NCBP2L: variants seen among roughly 807,000 people sequenced by gnomAD.
NCBP2L encodes the protein nuclear cap binding protein subunit 2 like, also known as nuclear cap-binding protein subunit 2-like.
For missense variants in NCBP2L, 95 were observed against 53.1 expected (o/e 1.79, Z -2.45); for synonymous variants, 39 against 19.2 (o/e 2.04, Z -2.70).
chrX:107,781,847 T>TATATAGATATCTAG (rs1930296267), intron 1 of NCBP2L, among the ~76,000 whole-genome samples: 6 of 97,992 alleles, frequency 6.1e-5, no homozygotes, highest in South Asian at 4.4e-4. Context: ...TATATATTTA[T>TATATAGATATCTAG]ATATATATAT....
rs1465744983 is a variant in NCBP2L at position 107,795,508 on chromosome X, C to G, written c.*826C>G. Reference sequence around the variant, plus strand: ...AGAAACCATGCTTCAGGTACCCATACAACTATTTCGTTTTTGACTTTCAGT... The same window carrying G: ...AGAAACCATGCTTCAGGTACCCATAGAACTATTTCGTTTTTGACTTTCAGT... On this transcript the variant is annotated 3_prime_UTR_variant, in exon 2 of 2. Coordinates refer to ENST00000509000, the MANE Select transcript of NCBP2L (RefSeq NM_001348372.2). 1.8e-5 allele frequency: 2 copies of G among 112,093 alleles called. No individual in the cohort carries two copies. The highest frequency in any genetic ancestry group is 6.5e-5 in the African/African-American group (2 of 30,826). 9.2% of individuals were successfully genotyped at this position (112,093 alleles called of 1,213,427 possible). A position where few individuals can be genotyped will look rare whatever the true frequency, so the allele number is the denominator to read the frequency against.
chrX:107,790,353 C>A (rs748682475), intron 1 of NCBP2L, among the ~76,000 whole-genome samples: 1 of 111,724 alleles, frequency 9.0e-6, no homozygotes, highest in East Asian at 2.8e-4. Flanking sequence ...CCCCCTTAGT[C>A]TATCCTTCAC....
intron 1 of NCBP2L, among the ~76,000 whole-genome samples, chrX:107,778,674 AG>A (rs1055453911): frequency 1.3e-4 from 15 of 111,729 alleles, no homozygotes; most frequent in African/African-American, 4.2e-4. Context: ...AAGAAAGCGG[AG>A]GGGGGCCCCC....
intron 1 of NCBP2L, among the ~76,000 whole-genome samples, chrX:107,790,313 G>A (rs373572118): frequency 4.5e-5 from 5 of 111,765 alleles, no homozygotes; most frequent in African/African-American, 1.3e-4. Context: ...AAATAGCTCC[G>A]TAACTGGTCT....
At chrX:107,788,403 C>T (rs761255050) in intron 1 of NCBP2L, among the ~76,000 whole-genome samples, 1 of 112,357 alleles carries the variant, frequency 8.9e-6, no homozygotes, top group Admixed American at 9.4e-5. Flanking sequence ...TTACTTTTAT[C>T]ATATGGAGCA....
intron 1 of NCBP2L, among the ~76,000 whole-genome samples, chrX:107,792,867 C>T (rs954580071): frequency 8.9e-6 from 1 of 112,109 alleles, no homozygotes; most frequent in Non-Finnish European, 1.9e-5. Flanking sequence ...TGTTAACTCC[C>T]TTCTCCCCTT....
chrX:107,784,102 C>G (rs969528762), intron 1 of NCBP2L, among the ~76,000 whole-genome samples: 1 of 111,227 alleles, frequency 9.0e-6, no homozygotes, highest in African/African-American at 3.3e-5. Flanking sequence ...ATTTTTAGTG[C>G]CTAGTAGGCA....
In NCBP2L at chrX:107,794,523, G is replaced by A; in HGVS notation, c.303G>A (p.Gly101=). The A allele has an allele frequency of 1.8e-6, 1 of 569,979 alleles. No individual in the cohort carries two copies. Among genetic ancestry groups the A allele is most frequent in the Non-Finnish European group, 3.2e-6 (1 of 309,448 alleles). 47.0% of individuals were successfully genotyped at this position (569,979 alleles called of 1,213,427 possible). Residue 101 remains glycine, a synonymous_variant, in exon 2 of 2, where the codon GGG becomes GGA. Coordinates refer to ENST00000509000, the MANE Select transcript of NCBP2L (RefSeq NM_001348372.2). ...AAAATGCCATGCGGTTTCTAACTGG[G>A]ACCTGCCTAGATGAATGGATTATCT... ...DAENAMRFLT[G]TCLDEWIICT...
At chrX:107,782,696 G>A (rs1175535878) in intron 1 of NCBP2L, among the ~76,000 whole-genome samples, 1 of 106,862 alleles carries the variant, frequency 9.4e-6, no homozygotes, top group African/African-American at 3.4e-5. Context: ...CCACATATAA[G>A]TGAGATCATG....
At chrX:107,783,370 T>TTA (rs2033727446) in intron 1 of NCBP2L, among the ~76,000 whole-genome samples, 1 of 92,112 alleles carries the variant, frequency 1.1e-5, no homozygotes, top group Non-Finnish European at 2.2e-5. Context: ...TTTTTTTTTT[T>TTA]TTTTTTTTTA....
At chrX:107,788,034 C>A (rs1040211742) in intron 1 of NCBP2L, among the ~76,000 whole-genome samples, 1 of 112,086 alleles carries the variant, frequency 8.9e-6, no homozygotes, top group African/African-American at 3.2e-5. Context: ...TTGAGCCATT[C>A]TTCATGTTTT....
Position 107,782,288 on chromosome X carries a change from TATATATATATAA to T in NCBP2L, c.-73+4454_-73+4465del, listed in dbSNP as rs1930322456. Reference sequence around the variant, plus strand: ...ATATATATATATAAATATATATAAATATATATATATAAATATATATATAAATATATATATATA... The same window carrying T: ...ATATATATATATAAATATATATAAATATATATATATAAATATATATATATA... On this transcript the variant is annotated intron_variant, in intron 1 of 1. Coordinates refer to ENST00000509000, the MANE Select transcript of NCBP2L (RefSeq NM_001348372.2). Among the ~76,000 whole-genome samples the T allele has an allele frequency of 1.1e-4, 3 of 27,366 alleles. 1 individual carries two copies. The highest frequency in any genetic ancestry group is 1.4e-4 in the Non-Finnish European group (3 of 20,861). 23.8% of individuals were successfully genotyped at this position (27,366 alleles called of 115,157 possible).
chrX:107,786,194 T>C (rs1408476557), intron 1 of NCBP2L, among the ~76,000 whole-genome samples: 1 of 111,071 alleles, frequency 9.0e-6, no homozygotes, highest in African/African-American at 3.3e-5. Context: ...ACTCCATATA[T>C]TGACATACAG....
chrX:107,777,744 GTCCTATA>G lies in NCBP2L; in HGVS notation c.-185_-179del, dbSNP rs1399025851. 9.0e-6 allele frequency: 1 copy of G among 111,484 alleles called. No individual in the cohort carries two copies. Among genetic ancestry groups the G allele is most frequent in the Non-Finnish European group, 1.9e-5 (1 of 53,138 alleles). The allele number at this position is 111,484 out of a possible 1,213,427, so 9.2% of individuals were successfully genotyped here. A position where few individuals can be genotyped will look rare whatever the true frequency, so the allele number is the denominator to read the frequency against. On this transcript the variant is annotated 5_prime_UTR_variant, in exon 1 of 2. It removes an upstream start codon present in the reference 5' UTR. Transcript: ENST00000509000. ...AACTCTTATTCCCAAGGCCCTGTGG[GTCCTATA>G]TGTGCCCTGCAACTTGGGGAAAATG...
chrX:107,794,298 C>T lies in NCBP2L; in HGVS notation c.78C>T (p.Gly26=). ...GCTACCGGGACCATCAGTTCAGTGGCCGTAAATTTCAGCAGGAAAAATTAC... is the reference window on the plus strand; with the variant it reads ...GCTACCGGGACCATCAGTTCAGTGGTCGTAAATTTCAGCAGGAAAAATTAC... ...LSCYRDHQFS[G]RKFQQEKLLK... is the part of the protein sequence containing the mutation. The change falls in exon 2 of 2, where the codon GGC becomes GGT. Residue 26 remains glycine, a synonymous_variant. Transcript: ENST00000509000. 1 of 569,614 alleles carries T rather than the reference C, an allele frequency of 1.8e-6. No individual in the cohort carries two copies. The allele number at this position is 569,614 out of a possible 1,213,427, so 46.9% of individuals were successfully genotyped here. A position where few individuals can be genotyped will look rare whatever the true frequency, so the allele number is the denominator to read the frequency against.
At chrX:107,784,824 A>G (rs1325222529) in intron 1 of NCBP2L, among the ~76,000 whole-genome samples, 2 of 107,083 alleles carry the variant, frequency 1.9e-5, no homozygotes, top group Non-Finnish European at 3.9e-5. Context: ...AAAAAAAAAA[A>G]AAAAAATAGC....
At chrX:107,778,401 C>T (rs1930218391) in intron 1 of NCBP2L, among the ~76,000 whole-genome samples, 1 of 112,255 alleles carries the variant, frequency 8.9e-6, no homozygotes, top group South Asian at 3.7e-4. Flanking sequence ...GTTAATAATT[C>T]AGTACAGCTT....
chrX:107,779,714 C>T (rs777355176), intron 1 of NCBP2L, among the ~76,000 whole-genome samples: 1 of 107,619 alleles, frequency 9.3e-6, no homozygotes, highest in Admixed American at 1.0e-4. Context: ...AGGCGTGAGC[C>T]ACCGTGCCCA....
At position 107,794,869 on chromosome X, in the gene NCBP2L, T is replaced by C. The variant is rs1024516839; in HGVS notation, c.*187T>C. On this transcript the variant is annotated 3_prime_UTR_variant, in exon 2 of 2. Transcript: ENST00000509000. The stretch of plus-strand genomic sequence containing the variant: ...TTTGTTTTTGTCTGAATTTTGAAGA[T>C]GCTTTTCAGATTACCAGTTTGACTG... 18 of 365,248 alleles carry C rather than the reference T, an allele frequency of 4.9e-5. No homozygotes were observed. The highest frequency in any genetic ancestry group is 4.2e-4 in the South Asian group (8 of 19,002). The allele number at this position is 365,248 out of a possible 1,213,427, so 30.1% of individuals were successfully genotyped here.
Sources: allele counts gnomAD v4.1 joint callset (sites outside exome capture counted in the v4.1 genomes callset), GRCh38; gene constraint gnomAD v4.1.1; transcripts MANE v1.5; gene names NCBI Gene and HGNC (gene_info 2026-07-23, HGNC 2026-07-21).